The following TSFM variants were observed in gnomAD, a reference collection of about 807,000 sequenced individuals.
TSFM encodes Ts translation elongation factor, mitochondrial.
TSFM carries 29 observed loss-of-function variants against 33.4 expected under a neutral mutation model. The observed-to-expected ratio is 0.87, with a 90% CI of 0.65 to 1.18. The LOEUF (loss-of-function observed/expected upper bound fraction) is 1.18, where lower values mean the gene tolerates loss of function less well. Ranked by LOEUF, TSFM falls within the 50% of genes most tolerant of loss-of-function variation. TSFM has a pLI of 0.00. For synonymous variants in TSFM, 178 were observed against 163.5 expected (o/e 1.09, Z -0.68); for missense variants, 394 against 395.6 (o/e 1.00, Z 0.04).
chr12:57,793,158 CAT>C (rs1276414892), intron 5 of TSFM, 85 bp downstream of exon 5: 3 of 1,178,934 alleles, frequency 2.5e-6, no homozygotes, highest in Admixed American at 4.1e-5. Flanking sequence ...GGTCAAGAAT[CAT>C]GTGCCTACAA....
intron 1 of TSFM, 106 bp downstream of exon 1, chr12:57,782,964 C>A: frequency 6.8e-7 from 1 of 1,472,344 alleles, no homozygotes; most frequent in East Asian, 2.4e-5. Flanking sequence ...TCACCTTCCC[C>A]GACAGCATTG....
At chr12:57,796,111 T>C in intron 5 of TSFM, 66 bp from the exon 6 acceptor site, 1 of 1,434,892 alleles carries the variant, frequency 7.0e-7, no homozygotes, top group Non-Finnish European at 9.4e-7. Context: ...CTTCTGTGCA[T>C]ATTTTGGTAC....
At chr12:57,784,743 G>C (rs1955566467) in intron 2 of TSFM, among the ~76,000 whole-genome samples, 1 of 151,684 alleles carries the variant, frequency 6.6e-6, no homozygotes, top group African/African-American at 2.4e-5. Flanking sequence ...AGCCTGGTGT[G>C]GTGGCAAGGG....
chr12:57,798,637 G>A (rs1467210341), downstream of TSFM, among the ~76,000 whole-genome samples: 1 of 147,772 alleles, frequency 6.8e-6, no homozygotes, highest in East Asian at 2.0e-4. Flanking sequence ...TTTTTTTTGA[G>A]ACAGATTCTT....
rs1955602481 is a variant in TSFM at position 57,787,158 on chromosome 12, G to C, written c.479G>C (p.Ser160Thr). 1 of 1,568,088 alleles carries C rather than the reference G, an allele frequency of 6.4e-7. No homozygotes were observed. The highest frequency in any genetic ancestry group is 1.9e-5 in the Admixed American group (1 of 52,556). The change falls in exon 4 of 6, where the codon AGT becomes ACT. Residue 160 changes from serine to threonine, a missense_variant. Physicochemically the swap from Ser to Thr is moderately conservative, Grantham distance 58. Around this residue, in one of 3 missense-constraint regions of TSFM, gnomAD observed 0 missense variants for 16.5 expected, o/e 0.00. Coordinates refer to ENST00000652027, the MANE Select transcript of TSFM (RefSeq NM_005726.6). ...QTLKDQPSAY[S>T]KGFLNSSELS... ...CTAAAGGATCAACCCTCTGCATACA[G>C]TAAAGTAAGTTTGGGATTTGTCTCC...
chr12:57,786,405 G>A, intron 3 of TSFM, 114 bp downstream of exon 3: 1 of 1,312,918 alleles, frequency 7.6e-7, no homozygotes, highest in South Asian at 1.8e-5. Context: ...GAACCATAAA[G>A]CGTAGTTGAA....
Position 57,786,239 on chromosome 12 carries a change from A to C in TSFM, c.308A>C (p.Lys103Thr), listed in dbSNP as rs1955589586. 2 of 1,612,296 alleles carry C rather than the reference A, an allele frequency of 1.2e-6. No individual in the cohort carries two copies. The highest frequency in any genetic ancestry group is 3.3e-4 in the Middle Eastern group (2 of 6,062). ...GCCAAGCTCCAAGGGAGGAAGACCA[A>C]AGAAGGCCTGATTGGGCTGTTGCAG... The part of the protein sequence containing the change: ...KAAKLQGRKT[K>T]EGLIGLLQEG... Residue 103 changes from lysine (K) to threonine (T), a missense_variant, in exon 3 of 6, where the codon AAA becomes ACA. Physicochemically the swap from Lys to Thr is moderately conservative, Grantham distance 78 (BLOSUM62 -1). Transcript: ENST00000652027.
chr12:57,799,115 A>G (rs1955795123), downstream of TSFM, among the ~76,000 whole-genome samples: 1 of 152,216 alleles, frequency 6.6e-6, no homozygotes, highest in East Asian at 1.9e-4. Flanking sequence ...TGGAGCAGGT[A>G]TGGGAAGCAG....
downstream of TSFM, chr12:57,800,161 T>C: frequency 2.3e-6 from 1 of 438,070 alleles, no homozygotes; most frequent in South Asian, 3.4e-5. Flanking sequence ...AAGTCCTGTA[T>C]AGCTAGTTTG....
At chr12:57,784,880 C>CAA (rs1054885684) in intron 2 of TSFM, among the ~76,000 whole-genome samples, 1 of 108,962 alleles carries the variant, frequency 9.2e-6, no homozygotes, top group East Asian at 2.9e-4. Context: ...AACTCTGTCT[C>CAA]AAAAAAAAAA....
At chr12:57,784,065 A>G (rs765493784) in intron 2 of TSFM, 262 of 702,864 alleles carry the variant, frequency 3.7e-4, no homozygotes, top group Middle Eastern at 1.6e-3. Context: ...CCTAGATGGT[A>G]TATTGTACTA....
chr12:57,789,470 T>C (rs772263495), intron 4 of TSFM, among the ~76,000 whole-genome samples: 1 of 152,196 alleles, frequency 6.6e-6, no homozygotes, highest in African/African-American at 2.4e-5. Flanking sequence ...TTCGAGCAAT[T>C]CTTATGCTTC....
downstream of TSFM, chr12:57,801,313 A>G: frequency 1.1e-6 from 1 of 901,570 alleles, no homozygotes; most frequent in Non-Finnish European, 1.7e-6. Context: ...AGAGCCAGGG[A>G]GTCAGAAGAC....
downstream of TSFM, chr12:57,797,868 T>C (rs748174676): frequency 6.3e-7 from 1 of 1,598,938 alleles, no homozygotes; most frequent in Admixed American, 1.7e-5. Flanking sequence ...GCAATAGGTA[T>C]AGGCCTTCTT....
At chr12:57,801,332 G>A (rs1955843942), downstream of TSFM, 1 of 761,098 alleles carries the variant, frequency 1.3e-6, no homozygotes, top group Non-Finnish European at 2.1e-6. Context: ...ACATTTCAAG[G>A]ATAAGTAAAA....
downstream of TSFM, chr12:57,802,811 A>G: frequency 1.8e-6 from 1 of 566,428 alleles, no homozygotes. Flanking sequence ...TTTACCTCCT[A>G]AGCATTTGTC....
downstream of TSFM, among the ~76,000 whole-genome samples, chr12:57,798,707 C>T (rs1955784957): frequency 6.6e-6 from 1 of 151,552 alleles, no homozygotes; most frequent in Non-Finnish European, 1.5e-5. Context: ...ACCTCTGCCT[C>T]CCGGGTTCAA....
chr12:57,783,266 G>A lies in TSFM; in HGVS notation c.214G>A (p.Gly72Ser), dbSNP rs1384224878. The A allele has an allele frequency of 9.3e-6, 15 of 1,613,780 alleles. No individual in the cohort carries two copies. The East Asian group carries it at 3.3e-4, about 36-fold the overall frequency. ...VNCKKALETC[G>S]GDLKQAEIWL... The stretch of plus-strand genomic sequence containing the variant: ...TTGCAAGAAAGCTCTGGAGACTTGT[G>A]GCGGGGACCTCAAACAGGTGTGTGT... The change falls in exon 2 of 6, where the codon GGC becomes AGC. Residue 72 changes from glycine to serine, a missense_variant. Physicochemically the swap from Gly to Ser is moderately conservative, Grantham distance 56. This residue lies in a region of TSFM where 208 missense variants were observed against 180.4 expected (regional missense o/e 1.15). Coordinates refer to ENST00000652027, the MANE Select transcript of TSFM (RefSeq NM_005726.6).
At chr12:57,802,176 T>G (rs1053986032), downstream of TSFM, 1 of 1,613,822 alleles carries the variant, frequency 6.2e-7, no homozygotes. Context: ...AATGTTAGGG[T>G]CCCAGGCTAG....
Sources: gnomAD v4.1 joint callset for allele counts (sites outside exome capture counted in the v4.1 genomes callset) on GRCh38, gnomAD v4.1.1 for gene constraint, gnomAD v4.1.1 regional missense constraint, MANE v1.5 for transcripts, NCBI Gene and HGNC (gene_info 2026-07-23, HGNC 2026-07-21) for gene names.